C6orf62: variants seen among roughly 807,000 people sequenced by gnomAD.
C6orf62 encodes uncharacterized protein C6orf62.
Under a neutral mutation model 26.8 loss-of-function variants are expected in C6orf62, and 16 were observed. The ratio of observed to expected loss-of-function variants is 0.60; its 90% CI spans 0.40 to 0.91. The LOEUF is 0.91. Ranked by LOEUF, C6orf62 falls within the 40% of genes least tolerant of loss-of-function variation. The probability of loss-of-function intolerance (pLI) is 0.00; values close to 1 mark genes in which losing one functional copy is unlikely to be tolerated. For synonymous variants in C6orf62, 112 were observed against 91.5 expected, an observed-to-expected ratio of 1.22 and a Z score of -1.28; for missense variants, 192 against 271.4, an observed-to-expected ratio of 0.71 and a Z score of 2.06.
chr6:24,706,384 T>A (rs190993026), intron 4 of C6orf62, 122 bp from the exon 5 acceptor site: 1 of 1,385,986 alleles, frequency 7.2e-7, no homozygotes, highest in Admixed American at 2.4e-5. Context: ...CAAATTGTAG[T>A]CCCTATCCAT....
chr6:24,711,239 T>TACACAC (rs143267331), intron 3 of C6orf62, among the ~76,000 whole-genome samples: 5 of 138,684 alleles, frequency 3.6e-5, no homozygotes, highest in African/African-American at 1.6e-4. Flanking sequence ...AAAGAAATGG[T>TACACAC]ACACACACAC....
upstream of C6orf62, chr6:24,719,574 G>A (rs1252764927): frequency 2.1e-5 from 27 of 1,308,310 alleles, no homozygotes; most frequent in Non-Finnish European, 2.5e-5. Context: ...AGGAAAAGGG[G>A]TATATAATAC....
chr6:24,716,117 T>C, intron 2 of C6orf62, 31 bp downstream of exon 2: 1 of 1,594,476 alleles, frequency 6.3e-7, no homozygotes, highest in African/African-American at 1.3e-5. Flanking sequence ...CACAGAAACT[T>C]TATCAAGTCA....
At position 24,708,885 on chromosome 6, in the gene C6orf62, G is replaced by A. The variant is rs201293135; in HGVS notation, c.456C>T (p.Asp152=). 1.6e-5 allele frequency: 26 copies of A among 1,614,040 alleles called. No individual in the cohort carries two copies. The East Asian group carries it at 5.8e-4, about 36-fold the overall frequency. Residue 152 remains aspartate (D), a synonymous_variant, in exon 4 of 5, where the codon GAC becomes GAT. Coordinates refer to ENST00000378119, the MANE Select transcript of C6orf62 (RefSeq NM_030939.5). ...GTACATGCAGAAACTGTTTTTCATA[G>A]TCACCATGATGAAACTCAAATTTGG... The part of the protein sequence containing the change: ...VQAKFEFHHG[D]YEKQFLHVLS...
intron 2 of C6orf62, among the ~76,000 whole-genome samples, chr6:24,715,620 G>C (rs1027567132): frequency 6.6e-6 from 1 of 152,090 alleles, no homozygotes; most frequent in Admixed American, 6.6e-5. Flanking sequence ...GCCAAGGCAG[G>C]AGGATCACTT....
intron 2 of C6orf62, 38 bp from the exon 3 acceptor site, chr6:24,714,478 A>T: frequency 6.7e-7 from 1 of 1,490,318 alleles, no homozygotes; most frequent in Non-Finnish European, 9.1e-7. Flanking sequence ...TTACTTTTAA[A>T]GAAACAGCTA....
upstream of C6orf62, chr6:24,720,152 A>AG (rs1779326337): frequency 1.5e-6 from 2 of 1,360,318 alleles, no homozygotes; most frequent in Non-Finnish European, 1.9e-6. Flanking sequence ...GAATTGAGGC[A>AG]GCTAGGGCGG....
At chr6:24,719,980 A>G (rs1393196882), upstream of C6orf62, 10 of 1,545,296 alleles carry the variant, frequency 6.5e-6, no homozygotes, top group Admixed American at 2.0e-5. Context: ...GGAAAAAAAG[A>G]AAATAATTGT....
intron 1 of C6orf62, among the ~76,000 whole-genome samples, chr6:24,716,728 CTTTTT>C (rs562976400): frequency 6.9e-6 from 1 of 145,508 alleles, no homozygotes; most frequent in African/African-American, 2.5e-5. Context: ...TCTGGTTTTT[CTTTTT>C]TTTTTTTGAG....
upstream of C6orf62, chr6:24,720,749 C>G (rs1581403020): frequency 6.6e-6 from 1 of 152,344 alleles, no homozygotes; most frequent in South Asian, 2.0e-4. Flanking sequence ...GCGTCCGCGG[C>G]AGTACTGCCT....
intron 3 of C6orf62, chr6:24,709,565 T>C: frequency 2.0e-6 from 2 of 985,060 alleles, no homozygotes; most frequent in Non-Finnish European, 1.2e-6. Flanking sequence ...TTAAATGAAA[T>C]GTAAAGCCCA....
At chr6:24,714,274 G>A in intron 3 of C6orf62, 44 bp downstream of exon 3, 1 of 1,510,760 alleles carries the variant, frequency 6.6e-7, no homozygotes, top group Non-Finnish European at 9.0e-7. Flanking sequence ...TATTCTAGTA[G>A]TTTTCACATA....
chr6:24,712,723 ACAGTC>A (rs1325445099), intron 3 of C6orf62, among the ~76,000 whole-genome samples: 7 of 150,794 alleles, frequency 4.6e-5, no homozygotes, highest in African/African-American at 1.7e-4. Flanking sequence ...TGAAACTAGT[ACAGTC>A]AACTCTCAAT....
intron 4 of C6orf62, 119 bp downstream of exon 4, chr6:24,708,658 A>C (rs1371260947): frequency 7.2e-7 from 1 of 1,387,448 alleles, no homozygotes; most frequent in East Asian, 2.3e-5. Flanking sequence ...TTTTTAAATA[A>C]CTTCAAAAAT....
At chr6:24,720,385 C>G (rs912446426), upstream of C6orf62, 61 of 1,188,510 alleles carry the variant, frequency 5.1e-5, no homozygotes, top group Non-Finnish European at 6.3e-5. Context: ...GCAGTGCGCA[C>G]CGTGACTGGA....
upstream of C6orf62, chr6:24,719,384 G>A (rs924233269): frequency 5.0e-6 from 5 of 1,007,902 alleles, no homozygotes; most frequent in Non-Finnish European, 5.9e-6. Context: ...CGGTAGAGAA[G>A]GAAAGGGAGA....
chr6:24,711,249 C>A (rs899941048), intron 3 of C6orf62, among the ~76,000 whole-genome samples: 3 of 151,806 alleles, frequency 2.0e-5, no homozygotes, highest in Non-Finnish European at 4.4e-5. Flanking sequence ...TACACACACA[C>A]ACACACAAAC....
chr6:24,720,316 A>T, upstream of C6orf62: 2 of 1,306,574 alleles, frequency 1.5e-6, no homozygotes, highest in Non-Finnish European at 9.7e-7. Context: ...TGCTGGTAGC[A>T]CGGGCAGGAG....
chr6:24,720,340 A>C (rs1779331565), upstream of C6orf62: 3 of 1,255,632 alleles, frequency 2.4e-6, no homozygotes, highest in Non-Finnish European at 3.0e-6. Context: ...TGTCAAGAGA[A>C]AACCACCAGC....
Sources: gnomAD v4.1 joint callset for allele counts (sites outside exome capture counted in the v4.1 genomes callset) on GRCh38, gnomAD v4.1.1 for gene constraint, MANE v1.5 for transcripts, NCBI Gene and HGNC (gene_info 2026-07-23, HGNC 2026-07-21) for gene names.